Variants in NDST4 observed in about 807,000 individuals in gnomAD.
NDST4 encodes the protein N-deacetylase and N-sulfotransferase 4, also known as N-heparan sulfate sulfotransferase 4.
In NDST4, 63 loss-of-function variants were observed where a neutral mutation model predicts 100.8. The ratio of observed to expected loss-of-function variants is 0.62; its 90% CI spans 0.51 to 0.77. NDST4 has a LOEUF of 0.77. Ranked by LOEUF, NDST4 falls within the 30% of genes least tolerant of loss-of-function variation. The pLI, the probability that NDST4 is intolerant of heterozygous loss-of-function variation, is 0.00. For missense variants in NDST4, 943 were observed against 1,018.4 expected, an observed-to-expected ratio of 0.93 and a Z score of 1.01; for synonymous variants, 377 against 361.8, an observed-to-expected ratio of 1.04 and a Z score of -0.48.
At position 115,076,243 on chromosome 4, in the gene NDST4, C is replaced by A; in HGVS notation, c.794G>T (p.Gly265Val). ...GTTGCCAAAAAGTACTCTCTGAATT[C>A]CATCATGAAGCCCCAGATCCTGAAT... The part of the protein sequence containing the change: ...TVIQDLGLHD[G>V]IQRVLFGNNL... Residue 265 changes from glycine to valine, a missense_variant, in exon 2 of 14, where the codon GGA becomes GTA. Gly to Val is a moderately radical substitution (Grantham distance 109, BLOSUM62 -3). This residue lies in a region of NDST4 where 417 missense variants were observed against 384.2 expected (regional missense o/e 1.09). Coordinates refer to ENST00000264363, the MANE Select transcript of NDST4 (RefSeq NM_022569.3). The A allele has an allele frequency of 6.2e-7, 1 of 1,613,972 alleles. No homozygotes were observed. The highest frequency in any genetic ancestry group is 8.5e-7 in the Non-Finnish European group (1 of 1,179,936).
At chr4:115,083,619 T>G (rs1253145583) in intron 1 of NDST4, among the ~76,000 whole-genome samples, 1 of 152,196 alleles carries the variant, frequency 6.6e-6, no homozygotes, top group African/African-American at 2.4e-5. Context: ...CATCTTGAAT[T>G]ACAGTTCCCA....
Position 114,959,705 on chromosome 4 carries a change from C to A in NDST4, c.1221+10725G>T, listed in dbSNP as rs114054889. 7.2e-3 allele frequency among the ~76,000 whole-genome samples: 1,100 copies of A among 152,044 alleles called. 8 individuals are homozygous for A. Among genetic ancestry groups the A allele is most frequent in the African/African-American group, 0.023 (964 of 41,474 alleles). On this transcript the variant is annotated intron_variant, in intron 4 of 13. Transcript: ENST00000264363. ...GCTAACAGAAGAAAAATTTAGCACA[C>A]TTGAAAATCGATTATGAGATTATGC...
chr4:114,882,099 T>C (rs1185401618), intron 6 of NDST4, among the ~76,000 whole-genome samples: 1 of 151,842 alleles, frequency 6.6e-6, no homozygotes, highest in Non-Finnish European at 1.5e-5. Context: ...TTCTCACACA[T>C]GTTTACTCTC....
chr4:115,055,524 G>C (rs955514055), intron 2 of NDST4, among the ~76,000 whole-genome samples: 1 of 152,092 alleles, frequency 6.6e-6, no homozygotes, highest in Non-Finnish European at 1.5e-5. Context: ...TCATTTTGTT[G>C]TTTATTCATT....
At chr4:115,065,562 T>C (rs566742092) in intron 2 of NDST4, among the ~76,000 whole-genome samples, 1 of 152,240 alleles carries the variant, frequency 6.6e-6, no homozygotes, top group African/African-American at 2.4e-5. Flanking sequence ...TAGCATATAT[T>C]AATATGCTCA....
intron 1 of NDST4, among the ~76,000 whole-genome samples, chr4:115,085,660 C>T (rs543082794): frequency 1.8e-4 from 28 of 152,242 alleles, no homozygotes; most frequent in African/African-American, 6.7e-4. Flanking sequence ...CTCTCTCCTG[C>T]CACCCTGTAA....
At chr4:115,096,584 A>G (rs924288653) in intron 1 of NDST4, among the ~76,000 whole-genome samples, 1 of 152,072 alleles carries the variant, frequency 6.6e-6, no homozygotes, top group East Asian at 1.9e-4. Context: ...CTAGCTAAGG[A>G]CACCCTCCTT....
chr4:114,937,981 T>A (rs1725668017), intron 4 of NDST4, among the ~76,000 whole-genome samples: 2 of 152,108 alleles, frequency 1.3e-5, no homozygotes, highest in Non-Finnish European at 2.9e-5. Context: ...TTTGAATTAA[T>A]TCGATTTCAA....
chr4:114,887,387 C>G (rs747515825), intron 6 of NDST4, among the ~76,000 whole-genome samples: 13 of 152,090 alleles, frequency 8.5e-5, no homozygotes, highest in African/African-American at 2.4e-5. Flanking sequence ...AAGAATCAAG[C>G]AAGTGAAGAT....
intron 2 of NDST4, among the ~76,000 whole-genome samples, chr4:114,999,605 T>C (rs907295547): frequency 6.6e-6 from 1 of 152,090 alleles, no homozygotes; most frequent in Non-Finnish European, 1.5e-5. Context: ...TGAAGCACAA[T>C]AACTGTAAAT....
intron 10 of NDST4, 54 bp downstream of exon 10, chr4:114,845,769 C>T: frequency 6.8e-7 from 1 of 1,476,140 alleles, no homozygotes; most frequent in Non-Finnish European, 9.3e-7. Context: ...TTTTTCATTG[C>T]CTCCATTTAA....
chr4:114,848,488 C>G, intron 8 of NDST4, 150 bp from the exon 9 acceptor site: 1 of 603,126 alleles, frequency 1.7e-6, no homozygotes, highest in South Asian at 2.3e-5. Flanking sequence ...GCATTCCATG[C>G]AGCCACAATC....
chr4:114,938,997 C>T (rs1437664075), intron 4 of NDST4, among the ~76,000 whole-genome samples: 1 of 152,076 alleles, frequency 6.6e-6, no homozygotes, highest in Non-Finnish European at 1.5e-5. Context: ...CTTGTGTTTC[C>T]AACACAAGGC....
At chr4:114,857,945 T>C (rs1261590786) in intron 7 of NDST4, among the ~76,000 whole-genome samples, 1 of 152,204 alleles carries the variant, frequency 6.6e-6, no homozygotes, top group East Asian at 1.9e-4. Flanking sequence ...GCATTTTATG[T>C]AGAAGAGGCC....
chr4:114,997,686 A>G (rs1727195272), intron 2 of NDST4, among the ~76,000 whole-genome samples: 1 of 152,132 alleles, frequency 6.6e-6, no homozygotes, highest in Admixed American at 6.6e-5. Flanking sequence ...CATGTTTCTC[A>G]CATAAATAAA....
At position 114,846,134 on chromosome 4, in the gene NDST4, A is replaced by G. The variant is rs1723545894; in HGVS notation, c.1941-137T>C. ...TATGCTGTTATAGTTTAAATAATAG[A>G]TATTCTATACACATTGAATGTGAAG... On this transcript the variant is annotated intron_variant, in intron 9 of 13. Transcript: ENST00000264363. 2.2e-5 allele frequency: 17 copies of G among 760,790 alleles called. No homozygotes were observed. In the South Asian group the frequency reaches 3.4e-4, roughly 15 times the overall value. 47.1% of individuals were successfully genotyped at this position (760,790 alleles called of 1,614,324 possible). A position where few individuals can be genotyped will look rare whatever the true frequency, so the allele number is the denominator to read the frequency against.
chr4:114,852,226 T>C (rs58624841), intron 8 of NDST4, among the ~76,000 whole-genome samples: 3,074 of 152,202 alleles, frequency 0.02, 134 homozygotes, highest in South Asian at 0.17. Flanking sequence ...TAAGTCCATA[T>C]CATGCTAATA....
intron 6 of NDST4, among the ~76,000 whole-genome samples, chr4:114,894,582 A>T (rs555536511): frequency 6.6e-6 from 1 of 152,256 alleles, no homozygotes; most frequent in South Asian, 2.1e-4. Context: ...TTTTTTGCAC[A>T]TTGATTTTGT....
chr4:114,931,403 A>G (rs960743983), intron 6 of NDST4, among the ~76,000 whole-genome samples: 1 of 150,888 alleles, frequency 6.6e-6, no homozygotes, highest in South Asian at 2.1e-4. Context: ...TTACATTAAG[A>G]AAAAAAAAGA....
Sources: allele counts gnomAD v4.1 joint callset (sites outside exome capture counted in the v4.1 genomes callset), GRCh38; gene constraint gnomAD v4.1.1; regional missense constraint gnomAD v4.1.1; transcripts MANE v1.5; gene names NCBI Gene and HGNC (gene_info 2026-07-23, HGNC 2026-07-21).